Variants in OXCT1 observed in about 807,000 individuals in gnomAD.
OXCT1 encodes the protein succinyl-CoA:3-ketoacid coenzyme A transferase 1, mitochondrial.
A neutral mutation model predicts 69.6 loss-of-function variants in OXCT1; 27 were observed. The observed-to-expected ratio is 0.39, with a 90% CI of 0.29 to 0.54. The LOEUF is 0.54. Among genes scored for constraint, OXCT1 ranks in the 20% least tolerant of loss-of-function variants. The pLI is 0.72. For missense variants in OXCT1, 437 were observed against 650.2 expected (o/e 0.67, Z 3.57); for synonymous variants, 202 against 217.8 (o/e 0.93, Z 0.64).
intron 1 of OXCT1, among the ~76,000 whole-genome samples, chr5:41,869,614 C>T (rs368498748): frequency 2.0e-5 from 3 of 152,326 alleles, no homozygotes; most frequent in African/African-American, 4.8e-5. Context: ...TTTGTCCTCC[C>T]CTGCAGCCCA....
At chr5:41,811,191 G>A (rs57886651) in intron 7 of OXCT1, among the ~76,000 whole-genome samples, 430 of 151,852 alleles carry the variant, frequency 2.8e-3, no homozygotes, top group African/African-American at 0.01. Context: ...TTAAAATGAA[G>A]TAAAATGAGT....
intron 13 of OXCT1, among the ~76,000 whole-genome samples, chr5:41,776,495 G>T (rs1745129410): frequency 6.6e-6 from 1 of 152,108 alleles, no homozygotes; most frequent in African/African-American, 2.4e-5. Flanking sequence ...AAACAAAATG[G>T]TTCTCAGATT....
At chr5:41,817,406 C>T (rs142334381) in intron 7 of OXCT1, among the ~76,000 whole-genome samples, 7 of 152,224 alleles carry the variant, frequency 4.6e-5, no homozygotes, top group African/African-American at 1.4e-4. Flanking sequence ...ATATTCTTCC[C>T]AGCACTTGCA....
intron 13 of OXCT1, among the ~76,000 whole-genome samples, chr5:41,768,793 T>A (rs2112129459): frequency 6.6e-6 from 1 of 152,166 alleles, no homozygotes; most frequent in South Asian, 2.1e-4. Context: ...AAAAACCGCC[T>A]CTCTAAAATG....
At chr5:41,853,705 A>G in intron 3 of OXCT1, 151 bp from the exon 4 acceptor site, 1 of 828,674 alleles carries the variant, frequency 1.2e-6, no homozygotes, top group Non-Finnish European at 2.0e-6. Flanking sequence ...TAACCCCAAA[A>G]CTTTTGCAAG....
chr5:41,775,981 G>A (rs1235821257), intron 13 of OXCT1, among the ~76,000 whole-genome samples: 1 of 152,026 alleles, frequency 6.6e-6, no homozygotes, highest in Admixed American at 6.6e-5. Flanking sequence ...AACGAAGTAG[G>A]GAAGGGAAAA....
At chr5:41,740,152 G>T (rs1325110726) in intron 15 of OXCT1, among the ~76,000 whole-genome samples, 3 of 152,062 alleles carry the variant, frequency 2.0e-5, no homozygotes, top group African/African-American at 7.2e-5. Flanking sequence ...AACAAAGAAA[G>T]GAATGAAGAA....
intron 7 of OXCT1, among the ~76,000 whole-genome samples, chr5:41,823,671 T>C (rs142450400): frequency 1.3e-5 from 2 of 152,348 alleles, no homozygotes; most frequent in African/African-American, 4.8e-5. Flanking sequence ...GTGTGGCAAC[T>C]TCCAACCTCC....
intron 1 of OXCT1, among the ~76,000 whole-genome samples, chr5:41,864,286 T>C (rs1461494507): frequency 6.6e-6 from 1 of 152,194 alleles, no homozygotes; most frequent in African/African-American, 2.4e-5. Flanking sequence ...ATGCCAGTTA[T>C]GAGCTCACAT....
intron 9 of OXCT1, among the ~76,000 whole-genome samples, chr5:41,803,697 A>G (rs573169896): frequency 1.4e-4 from 22 of 152,222 alleles, no homozygotes; most frequent in African/African-American, 4.8e-4. Context: ...TGAATTTTCT[A>G]TGTGACATAA....
rs78881735 is a variant in OXCT1 at position 41,732,705 on chromosome 5, T to C, written c.1522-935A>G. Among the ~76,000 whole-genome samples, 4 of 152,308 alleles carry C rather than the reference T, an allele frequency of 2.6e-5. 1 individual carries two copies. The highest frequency in any genetic ancestry group is 9.6e-5 in the African/African-American group (4 of 41,564). ...CCAGAATAAACAATATTTTCTTAAA[T>C]TGATAAATGAACAAATGAATGAATA... On this transcript the variant is annotated intron_variant, in intron 16 of 16. Coordinates refer to ENST00000196371, the MANE Select transcript of OXCT1 (RefSeq NM_000436.4).
At chr5:41,755,648 A>C (rs1232308064) in intron 14 of OXCT1, among the ~76,000 whole-genome samples, 1 of 152,118 alleles carries the variant, frequency 6.6e-6, no homozygotes, top group Non-Finnish European at 1.5e-5. Flanking sequence ...AATAAACTCC[A>C]TTTACCTTTT....
At chr5:41,754,724 C>T (rs1375974945) in intron 14 of OXCT1, among the ~76,000 whole-genome samples, 1 of 152,024 alleles carries the variant, frequency 6.6e-6, no homozygotes, top group African/African-American at 2.4e-5. Flanking sequence ...TTCCAACAAT[C>T]CACTCAGGAC....
intron 3 of OXCT1, among the ~76,000 whole-genome samples, chr5:41,854,957 T>G (rs893539093): frequency 4.6e-5 from 7 of 152,130 alleles, no homozygotes; most frequent in African/African-American, 1.7e-4. Context: ...CATACTTAGG[T>G]TCATCACAAG....
At chr5:41,867,008 G>C (rs577259948) in intron 1 of OXCT1, among the ~76,000 whole-genome samples, 1 of 152,336 alleles carries the variant, frequency 6.6e-6, no homozygotes, top group Admixed American at 6.5e-5. Context: ...TGAAGATGAG[G>C]CTGGAGAAGC....
chr5:41,791,175 A>C (rs1745898034), intron 13 of OXCT1, among the ~76,000 whole-genome samples: 1 of 152,240 alleles, frequency 6.6e-6, no homozygotes, highest in Non-Finnish European at 1.5e-5. Flanking sequence ...ATGAAAATAT[A>C]CATGGTGCAT....
At chr5:41,817,086 C>T (rs1416262939) in intron 7 of OXCT1, among the ~76,000 whole-genome samples, 1 of 152,046 alleles carries the variant, frequency 6.6e-6, no homozygotes, top group South Asian at 2.1e-4. Flanking sequence ...AAACTCAACA[C>T]CATATTTGAA....
At chr5:41,771,315 CTG>C (rs1190996432) in intron 13 of OXCT1, among the ~76,000 whole-genome samples, 2 of 152,154 alleles carry the variant, frequency 1.3e-5, no homozygotes, top group African/African-American at 4.8e-5. Flanking sequence ...AACTCCATCT[CTG>C]TATAAGAAAT....
At chr5:41,860,321 T>C (rs1749675617) in intron 3 of OXCT1, among the ~76,000 whole-genome samples, 1 of 152,104 alleles carries the variant, frequency 6.6e-6, no homozygotes, top group Non-Finnish European at 1.5e-5. Context: ...TATACATATA[T>C]ATCAAAGATA....
Sources: allele counts gnomAD v4.1 joint callset (sites outside exome capture counted in the v4.1 genomes callset), GRCh38; gene constraint gnomAD v4.1.1; transcripts MANE v1.5; gene names NCBI Gene and HGNC (gene_info 2026-07-23, HGNC 2026-07-21).